PTPRM: variants seen among roughly 807,000 people sequenced by gnomAD.
PTPRM encodes protein tyrosine phosphatase receptor type M.
PTPRM carries 47 observed loss-of-function variants against 186.7 expected under a neutral mutation model. That is an observed-to-expected ratio of 0.25 (90% CI 0.20 to 0.32). The LOEUF is 0.32. Among genes scored for constraint, PTPRM ranks in the 10% least tolerant of loss-of-function variants. The pLI, the probability that PTPRM is intolerant of heterozygous loss-of-function variation, is 1.00. For missense variants in PTPRM, 1,494 were observed against 1,865.0 expected (o/e 0.80, Z 3.66); for synonymous variants, 668 against 674.9 (o/e 0.99, Z 0.16).
At chr18:8,230,629 G>A (rs2094275097) in intron 14 of PTPRM, among the ~76,000 whole-genome samples, 1 of 152,180 alleles carries the variant, frequency 6.6e-6, no homozygotes, top group Non-Finnish European at 1.5e-5. Flanking sequence ...AGAGTTAAAC[G>A]AATTAATGAA....
rs551720257 is a variant in PTPRM at position 7,760,383 on chromosome 18, A to T, written c.74-13766A>T. 3.3e-5 allele frequency among the ~76,000 whole-genome samples: 5 copies of T among 152,128 alleles called. No homozygotes were observed. In the South Asian group the frequency reaches 1.0e-3, roughly 32 times the overall value. On this transcript the variant is annotated intron_variant, in intron 1 of 32. Transcript: ENST00000580170. ...AAGAGTCTAGTATTGTTAAATATTA[A>T]TTTTTTTTGTGGCCTAGTCTTTCTG...
At chr18:8,091,446 T>G (rs79325545) in intron 11 of PTPRM, among the ~76,000 whole-genome samples, 331 of 152,292 alleles carry the variant, frequency 2.2e-3, no homozygotes, top group African/African-American at 7.5e-3. Flanking sequence ...GATCAATCCT[T>G]AAGGGGCATC....
intron 2 of PTPRM, among the ~76,000 whole-genome samples, chr18:7,830,916 AT>A (rs2045729729): frequency 6.6e-6 from 1 of 152,152 alleles, no homozygotes; most frequent in South Asian, 2.1e-4. Context: ...GAGACTCTGC[AT>A]TTTGGTTGTT....
intron 14 of PTPRM, among the ~76,000 whole-genome samples, chr18:8,206,442 G>T (rs1391066278): frequency 6.6e-6 from 1 of 151,944 alleles, no homozygotes; most frequent in Non-Finnish European, 1.5e-5. Context: ...TAGAGACGGG[G>T]TTTCACCATG....
chr18:7,834,857 G>T (rs1186096181), intron 2 of PTPRM, among the ~76,000 whole-genome samples: 1 of 151,654 alleles, frequency 6.6e-6, no homozygotes, highest in Admixed American at 6.6e-5. Context: ...ATGTGTTTAG[G>T]GATTTGTTCG....
At chr18:8,341,211 A>C (rs973591824) in intron 22 of PTPRM, among the ~76,000 whole-genome samples, 1 of 152,220 alleles carries the variant, frequency 6.6e-6, no homozygotes, top group Non-Finnish European at 1.5e-5. Flanking sequence ...AAGTCGAGAA[A>C]GGGAATCATA....
intron 7 of PTPRM, among the ~76,000 whole-genome samples, chr18:7,962,115 T>C (rs1462062638): frequency 6.6e-6 from 1 of 152,214 alleles, no homozygotes; most frequent in Non-Finnish European, 1.5e-5. Flanking sequence ...CCATTTGTGA[T>C]ATGCAGTTTT....
intron 14 of PTPRM, among the ~76,000 whole-genome samples, chr18:8,176,496 G>GTA (rs2093484237): frequency 6.6e-6 from 1 of 152,150 alleles, no homozygotes; most frequent in African/African-American, 2.4e-5. Flanking sequence ...AAAAATATAT[G>GTA]TATACATATG....
intron 14 of PTPRM, among the ~76,000 whole-genome samples, chr18:8,215,536 C>CT (rs1555801384): frequency 1.6e-5 from 2 of 128,548 alleles, no homozygotes; most frequent in African/African-American, 2.9e-5. Flanking sequence ...TTCTTTCTTT[C>CT]TTTCTTTTCT....
At position 8,223,560 on chromosome 18, in the gene PTPRM, T is replaced by C. The variant is rs556347788; in HGVS notation, c.2301-20498T>C. ...AATGCTCTCCTTGTGACAAAGTGAG[T>C]GGACAGACCCATCCGCAGTGCAGCA... On this transcript the variant is annotated intron_variant, in intron 14 of 32. Transcript: ENST00000580170. Among the ~76,000 whole-genome samples, 9 of 152,240 alleles carry C rather than the reference T, an allele frequency of 5.9e-5. No homozygotes were observed. The East Asian group carries it at 1.7e-3, about 29-fold the overall frequency.
intron 19 of PTPRM, among the ~76,000 whole-genome samples, chr18:8,271,237 C>G (rs994634149): frequency 6.6e-6 from 1 of 151,862 alleles, no homozygotes; most frequent in Non-Finnish European, 1.5e-5. Context: ...TCCTTTTTAG[C>G]ATTTTTTGAG....
intron 5 of PTPRM, among the ~76,000 whole-genome samples, chr18:7,937,728 T>C (rs954218853): frequency 6.6e-6 from 1 of 152,224 alleles, no homozygotes; most frequent in African/African-American, 2.4e-5. Context: ...TCTAGGTCTA[T>C]CAGTCACTTA....
intron 22 of PTPRM, among the ~76,000 whole-genome samples, chr18:8,319,506 C>G (rs1483414275): frequency 6.6e-6 from 1 of 152,154 alleles, no homozygotes; most frequent in East Asian, 1.9e-4. Flanking sequence ...GATAGCCATT[C>G]CATCAATATA....
intron 1 of PTPRM, among the ~76,000 whole-genome samples, chr18:7,744,291 T>G (rs1180963633): frequency 6.6e-6 from 1 of 152,184 alleles, no homozygotes; most frequent in Non-Finnish European, 1.5e-5. Flanking sequence ...TGCTGAGGTT[T>G]TTGTCCTAGG....
intron 4 of PTPRM, among the ~76,000 whole-genome samples, chr18:7,925,389 G>A (rs943629178): frequency 2.0e-5 from 3 of 152,066 alleles, no homozygotes; most frequent in Non-Finnish European, 4.4e-5. Flanking sequence ...TTAATAATGG[G>A]GCTTTCCTGT....
chr18:7,585,994 T>A (rs897950711), intron 1 of PTPRM, among the ~76,000 whole-genome samples: 2 of 152,192 alleles, frequency 1.3e-5, no homozygotes, highest in Non-Finnish European at 1.5e-5. Context: ...GGCATTGTCT[T>A]AAGCGCTTTT....
At chr18:8,347,760 G>A (rs1257782703) in intron 23 of PTPRM, among the ~76,000 whole-genome samples, 1 of 152,070 alleles carries the variant, frequency 6.6e-6, no homozygotes, top group Non-Finnish European at 1.5e-5. Flanking sequence ...ATCTAAGTCC[G>A]TAGATTTAAA....
intron 5 of PTPRM, among the ~76,000 whole-genome samples, chr18:7,941,801 A>G (rs533229694): frequency 6.6e-6 from 1 of 152,200 alleles, no homozygotes; most frequent in Non-Finnish European, 1.5e-5. Context: ...GTGTCCACAG[A>G]GCTATCATAG....
intron 4 of PTPRM, among the ~76,000 whole-genome samples, chr18:7,908,800 G>C (rs184777905): frequency 2.9e-3 from 436 of 152,304 alleles, no homozygotes; most frequent in Middle Eastern, 6.8e-3. Flanking sequence ...AATTTAGGAA[G>C]CAGAATGCAA....
Sources: allele counts gnomAD v4.1 joint callset (sites outside exome capture counted in the v4.1 genomes callset), GRCh38; gene constraint gnomAD v4.1.1; transcripts MANE v1.5; gene names NCBI Gene and HGNC (gene_info 2026-07-23, HGNC 2026-07-21).